ERC2: variants seen among roughly 807,000 people sequenced by gnomAD.
ERC2 encodes the protein ERC protein 2.
Under a neutral mutation model 114.8 loss-of-function variants are expected in ERC2, and 42 were observed. That is an observed-to-expected ratio of 0.37 (90% confidence interval 0.29 to 0.47). The LOEUF (loss-of-function observed/expected upper bound fraction) is 0.47, where lower values mean the gene tolerates loss of function less well. Ranked by LOEUF, ERC2 falls within the 20% of genes least tolerant of loss-of-function variation. ERC2 has a pLI of 0.99. For missense variants in ERC2, 939 were observed against 1,150.7 expected, an observed-to-expected ratio of 0.82 and a Z score of 2.66; for synonymous variants, 454 against 425.5, an observed-to-expected ratio of 1.07 and a Z score of -0.82.
At chr3:55,961,924 A>G (rs944937411) in intron 12 of ERC2, among the ~76,000 whole-genome samples, 45 of 150,536 alleles carry the variant, frequency 3.0e-4, no homozygotes, top group African/African-American at 1.0e-3. Flanking sequence ...TCTAACTCCT[A>G]CCATCCAAGT....
In ERC2 at chr3:55,683,804, A is replaced by G; in HGVS notation, c.*29T>C. On this transcript the variant is annotated 3_prime_UTR_variant, in exon 17 of 18. Coordinates refer to ENST00000288221, the MANE Select transcript of ERC2 (RefSeq NM_015576.3). ...AAGATGGTTTCTCACCCCTCAAAAC[A>G]AAACTGGAACTTTGGTTTACAGGCC... 6.2e-7 allele frequency: 1 copy of G among 1,612,800 alleles called. No homozygotes were observed. The highest frequency in any genetic ancestry group is 8.5e-7 in the Non-Finnish European group (1 of 1,179,428).
intron 17 of ERC2, among the ~76,000 whole-genome samples, chr3:55,558,098 G>A (rs772510019): frequency 1.3e-5 from 2 of 152,226 alleles, no homozygotes; most frequent in African/African-American, 2.4e-5. Context: ...GAATGAACAT[G>A]AGCTACCATC....
At chr3:55,638,442 C>T (rs1056162889) in intron 17 of ERC2, among the ~76,000 whole-genome samples, 1 of 152,154 alleles carries the variant, frequency 6.6e-6, no homozygotes, top group Non-Finnish European at 1.5e-5. Flanking sequence ...AAGCAGTCAT[C>T]GTTGTGCATA....
chr3:55,524,500 GTT>G lies in ERC2; in HGVS notation c.*40-13226_*40-13225del, dbSNP rs34258011. On this transcript the variant is annotated intron_variant, in intron 17 of 17. Coordinates refer to ENST00000288221, the MANE Select transcript of ERC2 (RefSeq NM_015576.3). The stretch of plus-strand genomic sequence containing the variant: ...CACCCTGTTTTACAAAGCTCCAGTG[GTT>G]TTTTTTTTTTTTTTTTTTCATGGCT... 9.1e-5 allele frequency among the ~76,000 whole-genome samples: 11 copies of G among 120,822 alleles called. No homozygotes were observed. In the South Asian group the frequency reaches 1.2e-3, roughly 13 times the overall value. 79.3% of individuals were successfully genotyped at this position (120,822 alleles called of 152,430 possible).
intron 17 of ERC2, among the ~76,000 whole-genome samples, chr3:55,520,383 C>A (rs935297656): frequency 6.9e-6 from 1 of 145,224 alleles, no homozygotes; most frequent in Non-Finnish European, 1.5e-5. Flanking sequence ...TTGCAGTGAG[C>A]CGAGATCGTG....
chr3:55,826,781 T>A (rs2060342593), intron 14 of ERC2, among the ~76,000 whole-genome samples: 1 of 152,242 alleles, frequency 6.6e-6, no homozygotes, highest in Non-Finnish European at 1.5e-5. Flanking sequence ...TTTAGAAGTG[T>A]ATTTGTTGTC....
intron 13 of ERC2, among the ~76,000 whole-genome samples, chr3:55,946,905 C>T (rs564088829): frequency 6.6e-6 from 1 of 152,314 alleles, no homozygotes; most frequent in East Asian, 1.9e-4. Context: ...AAATACTAAA[C>T]TGCCACCTCT....
At chr3:55,551,343 T>C (rs1192173279) in intron 17 of ERC2, among the ~76,000 whole-genome samples, 3 of 151,584 alleles carry the variant, frequency 2.0e-5, no homozygotes, top group Non-Finnish European at 2.9e-5. Flanking sequence ...GTCAACATGG[T>C]GAAACCGCGT....
At chr3:55,727,581 G>T (rs2064999295) in intron 15 of ERC2, among the ~76,000 whole-genome samples, 2 of 152,070 alleles carry the variant, frequency 1.3e-5, no homozygotes, top group Non-Finnish European at 2.9e-5. Context: ...TTCTTTTATT[G>T]TTAAGCACAA....
intron 17 of ERC2, among the ~76,000 whole-genome samples, chr3:55,515,344 A>C (rs1370627563): frequency 6.6e-6 from 1 of 151,940 alleles, no homozygotes; most frequent in Non-Finnish European, 1.5e-5. Flanking sequence ...GGTGGTTTTA[A>C]ACTTTTCCCC....
At chr3:56,396,548 T>TAGTA (rs1321017792) in intron 2 of ERC2, among the ~76,000 whole-genome samples, 1 of 152,226 alleles carries the variant, frequency 6.6e-6, no homozygotes, top group Admixed American at 6.5e-5. Flanking sequence ...TAGGATTTAG[T>TAGTA]AGTATGTGCT....
At chr3:56,411,068 CAG>C (rs2060923572) in intron 2 of ERC2, among the ~76,000 whole-genome samples, 1 of 122,378 alleles carries the variant, frequency 8.2e-6, no homozygotes, top group South Asian at 2.7e-4. Context: ...AAAAAAAAAA[CAG>C]AATCCAGAAA....
intron 17 of ERC2, among the ~76,000 whole-genome samples, chr3:55,517,014 C>T (rs1575443177): frequency 6.6e-6 from 1 of 152,216 alleles, no homozygotes; most frequent in African/African-American, 2.4e-5. Context: ...TGGACTCCAG[C>T]GACCATTCTC....
intron 17 of ERC2, among the ~76,000 whole-genome samples, chr3:55,579,449 C>A (rs1355121329): frequency 6.6e-6 from 1 of 152,160 alleles, no homozygotes; most frequent in African/African-American, 2.4e-5. Context: ...GACATATTTG[C>A]CCCATGGGAT....
intron 17 of ERC2, among the ~76,000 whole-genome samples, chr3:55,591,030 C>T (rs1809884): frequency 0.96 from 146,450 of 152,106 alleles, 70,686 homozygotes; most frequent in East Asian, 1. Context: ...GGTTTCACCA[C>T]GTTGGCCAGG....
At chr3:56,289,917 C>T (rs576053066) in intron 3 of ERC2, among the ~76,000 whole-genome samples, 2 of 152,308 alleles carry the variant, frequency 1.3e-5, no homozygotes, top group East Asian at 1.9e-4. Context: ...AATTACTTAC[C>T]TCACTCTGCC....
intron 14 of ERC2, among the ~76,000 whole-genome samples, chr3:55,742,254 T>C (rs1157245488): frequency 1.3e-5 from 2 of 152,206 alleles, no homozygotes; most frequent in East Asian, 3.8e-4. Flanking sequence ...ACCTCACTTA[T>C]CACAGTCCAT....
intron 7 of ERC2, among the ~76,000 whole-genome samples, chr3:56,050,540 C>T (rs2075715765): frequency 6.6e-6 from 1 of 152,198 alleles, no homozygotes; most frequent in African/African-American, 2.4e-5. Context: ...CCTGTTTACT[C>T]CAGTCACACT....
intron 9 of ERC2, among the ~76,000 whole-genome samples, chr3:56,008,303 T>C (rs924882105): frequency 6.6e-6 from 1 of 152,146 alleles, no homozygotes; most frequent in African/African-American, 2.4e-5. Flanking sequence ...GCAAGGTGCT[T>C]CTAAAGCCCT....
Sources: allele counts gnomAD v4.1 joint callset (sites outside exome capture counted in the v4.1 genomes callset), GRCh38; gene constraint gnomAD v4.1.1; transcripts MANE v1.5; gene names NCBI Gene and HGNC (gene_info 2026-07-23, HGNC 2026-07-21).